Variants in PTPRN2 observed in about 807,000 individuals in gnomAD.
PTPRN2 encodes receptor-type tyrosine-protein phosphatase N2.
PTPRN2 carries 74 observed loss-of-function variants against 118.8 expected under a neutral mutation model. That is an observed-to-expected ratio of 0.62 (90% confidence interval 0.52 to 0.76). The LOEUF is 0.76. Ranked by LOEUF, PTPRN2 falls within the 30% of genes least tolerant of loss-of-function variation. The probability of loss-of-function intolerance (pLI) is 0.00; values close to 1 mark genes in which losing one functional copy is unlikely to be tolerated. For missense variants in PTPRN2, 1,481 were observed against 1,394.4 expected (o/e 1.06, Z -0.99); for synonymous variants, 641 against 608.0 (o/e 1.05, Z -0.80).
intron 1 of PTPRN2, among the ~76,000 whole-genome samples, chr7:158,500,305 T>A (rs773753226): frequency 6.6e-6 from 1 of 152,356 alleles, no homozygotes; most frequent in Non-Finnish European, 1.5e-5. Flanking sequence ...GAGGATAGTC[T>A]GAGGTGAATT....
chr7:158,254,777 C>T (rs1455999680), intron 3 of PTPRN2, among the ~76,000 whole-genome samples: 1 of 152,256 alleles, frequency 6.6e-6, no homozygotes, highest in Non-Finnish European at 1.5e-5. Flanking sequence ...GCATGAGTTT[C>T]ACCTCCCTAC....
chr7:158,277,309 A>G (rs28545304), intron 3 of PTPRN2, among the ~76,000 whole-genome samples: 119,549 of 152,088 alleles, frequency 0.79, 47,913 homozygotes, highest in Non-Finnish European at 0.88. Context: ...TCGGTCCCAC[A>G]CCTCAGCCAC....
chr7:158,476,613 G>A (rs1254914794), intron 2 of PTPRN2, among the ~76,000 whole-genome samples: 1 of 152,246 alleles, frequency 6.6e-6, no homozygotes, highest in East Asian at 1.9e-4. Flanking sequence ...GCCGCCAAGG[G>A]GCCTGAGAGT....
rs553736385 is a variant in PTPRN2, at chr7:157,611,860, C to T, written c.2345-7785G>A. 4.7e-5 allele frequency among the ~76,000 whole-genome samples: 7 copies of T among 148,878 alleles called. No individual in the cohort carries two copies. The highest frequency in any genetic ancestry group is 2.0e-4 in the East Asian group (1 of 4,960). ...ATGCTGGGGACACGCGGAGGGAGAG[C>T]GCCCGTGTGAAGACGAAGACAGCCG... On this transcript the variant is annotated intron_variant, in intron 15 of 22. Transcript: ENST00000389418. The surrounding 1 kb of genome is among the most constrained non-coding windows in gnomAD (Gnocchi z 5.9).
intron 11 of PTPRN2, among the ~76,000 whole-genome samples, chr7:157,915,021 A>T (rs1798318710): frequency 6.6e-6 from 1 of 152,106 alleles, no homozygotes; most frequent in Non-Finnish European, 1.5e-5. Context: ...GGTCTCTTTT[A>T]AGACTATTGA....
chr7:158,348,789 T>C (rs558933573), intron 2 of PTPRN2, among the ~76,000 whole-genome samples: 2 of 152,250 alleles, frequency 1.3e-5, no homozygotes, highest in East Asian at 1.9e-4. Flanking sequence ...ACTCACTCAT[T>C]CCATCCCCAT....
At chr7:157,708,498 C>A (rs1181879015) in intron 12 of PTPRN2, among the ~76,000 whole-genome samples, 1 of 151,978 alleles carries the variant, frequency 6.6e-6, no homozygotes, top group Non-Finnish European at 1.5e-5. Context: ...TCAGGAGTAC[C>A]TGCAGGTGGC....
intron 2 of PTPRN2, among the ~76,000 whole-genome samples, chr7:158,341,607 A>T (rs868103066): frequency 2.1e-5 from 2 of 95,668 alleles, no homozygotes; most frequent in Non-Finnish European, 4.2e-5. Context: ...GACATCACTC[A>T]CACCCACACT....
intron 21 of PTPRN2, among the ~76,000 whole-genome samples, chr7:157,567,621 T>A (rs953189122): frequency 1.3e-5 from 2 of 152,168 alleles, no homozygotes; most frequent in African/African-American, 4.8e-5. Context: ...TAGAAACTTG[T>A]TTCTATAATC....
At chr7:158,478,566 A>C (rs1820433192) in intron 2 of PTPRN2, among the ~76,000 whole-genome samples, 1 of 152,174 alleles carries the variant, frequency 6.6e-6, no homozygotes, top group Non-Finnish European at 1.5e-5. Flanking sequence ...TAACCTGATA[A>C]GGAAGCTGCT....
intron 12 of PTPRN2, among the ~76,000 whole-genome samples, chr7:157,683,620 G>A (rs1797018012): frequency 6.6e-6 from 1 of 152,052 alleles, no homozygotes; most frequent in South Asian, 2.1e-4. Flanking sequence ...CAGAGCCTTT[G>A]GAACTTCACT....
chr7:158,440,186 C>G (rs1816885984), intron 2 of PTPRN2, among the ~76,000 whole-genome samples: 2 of 152,188 alleles, frequency 1.3e-5, no homozygotes, highest in Admixed American at 6.5e-5. Flanking sequence ...TCAAAGCTGC[C>G]TTCTGGTAGG....
intron 9 of PTPRN2, among the ~76,000 whole-genome samples, chr7:158,123,308 CA>C (rs1424657755): frequency 6.6e-6 from 1 of 152,224 alleles, no homozygotes; most frequent in African/African-American, 2.4e-5. Context: ...GGGTGGCAAA[CA>C]GTGGGCTGGG....
At chr7:158,071,177 GTA>G (rs1491368159) in intron 11 of PTPRN2, among the ~76,000 whole-genome samples, 1 of 16,118 alleles carries the variant, frequency 6.2e-5, no homozygotes, top group Non-Finnish European at 1.3e-4. Flanking sequence ...GGTGCTCTTA[GTA>G]TGGAGGTGCT....
chr7:158,434,846 A>G (rs1478467030), intron 2 of PTPRN2, among the ~76,000 whole-genome samples: 5 of 152,096 alleles, frequency 3.3e-5, no homozygotes, highest in African/African-American at 1.2e-4. Flanking sequence ...TTGATTTATC[A>G]TGGTGCAACA....
At chr7:158,130,750 C>T (rs1563478183) in intron 9 of PTPRN2, among the ~76,000 whole-genome samples, 2 of 148,368 alleles carry the variant, frequency 1.3e-5, no homozygotes, top group Non-Finnish European at 3.0e-5. Context: ...CAATACACAT[C>T]TACCTGACAT....
intron 11 of PTPRN2, among the ~76,000 whole-genome samples, chr7:158,012,240 C>CTCA (rs1285793349): frequency 6.6e-6 from 1 of 152,058 alleles, no homozygotes; most frequent in Non-Finnish European, 1.5e-5. Context: ...TCAGTGAGTG[C>CTCA]GTGAATAGGT....
rs1340359657 is a variant in PTPRN2 at position 157,953,103 on chromosome 7, A to G, written c.1724-54366T>C. On this transcript the variant is annotated intron_variant, in intron 11 of 22. Transcript: ENST00000389418. This position sits in a 1 kb window ranked among gnomAD's most constrained non-coding sequence, Gnocchi z 4.6. Reference sequence around the variant, plus strand: ...TCCAGTGCCAGGAACCACCGGACCCACGGGGTGAGCCCTCTGGCTCGAGAA... The same window carrying G: ...TCCAGTGCCAGGAACCACCGGACCCGCGGGGTGAGCCCTCTGGCTCGAGAA... 2.0e-5 allele frequency among the ~76,000 whole-genome samples: 3 copies of G among 152,132 alleles called. No homozygotes were observed. The highest frequency in any genetic ancestry group is 4.4e-5 in the Non-Finnish European group (3 of 68,014).
At chr7:158,359,320 A>G (rs1808650715) in intron 2 of PTPRN2, among the ~76,000 whole-genome samples, 2 of 152,248 alleles carry the variant, frequency 1.3e-5, no homozygotes, top group South Asian at 4.1e-4. Flanking sequence ...GAATGCTTTA[A>G]ATAATGGATG....
Sources: allele counts gnomAD v4.1 joint callset (sites outside exome capture counted in the v4.1 genomes callset), GRCh38; gene constraint gnomAD v4.1.1; non-coding constraint Gnocchi (gnomAD v3.1); transcripts MANE v1.5; gene names NCBI Gene and HGNC (gene_info 2026-07-23, HGNC 2026-07-21).